USP9X: variants seen among roughly 807,000 people sequenced by gnomAD.
USP9X encodes the protein ubiquitin specific peptidase 9 X-linked, also known as ubiquitin carboxyl-terminal hydrolase 9X.
In USP9X, 7 loss-of-function variants were observed where a neutral mutation model predicts 190.3. The ratio of observed to expected loss-of-function variants is 0.04; its 90% CI spans 0.02 to 0.07. The LOEUF is 0.07. USP9X is among the 10% of genes least tolerant of loss of function. USP9X has a pLI of 1.00. For synonymous variants in USP9X, 645 were observed against 659.5 expected (o/e 0.98, Z 0.34); for missense variants, 1,010 against 1,916.9 (o/e 0.53, Z 8.83).
At chrX:41,205,105 G>T (rs1454634109) in intron 31 of USP9X, 198 bp from the exon 32 acceptor site, 1 of 356,934 alleles carries the variant, frequency 2.8e-6, no homozygotes. Flanking sequence ...CTTACACATG[G>T]TCAGGGTTAT....
chrX:41,104,792 G>GA (rs921387381), intron 1 of USP9X, among the ~76,000 whole-genome samples: 2 of 106,222 alleles, frequency 1.9e-5, no homozygotes, highest in Non-Finnish European at 2.0e-5. Context: ...TCTTGAGAGA[G>GA]AAAAAAAAAA....
chrX:41,227,114 T>G (rs186289617), intron 41 of USP9X, among the ~76,000 whole-genome samples: 3 of 112,314 alleles, frequency 2.7e-5, no homozygotes, highest in African/African-American at 9.7e-5. Flanking sequence ...TACTGTTAAA[T>G]GAATCACTGG....
At chrX:41,111,952 TCTC>T (rs1312132273) in intron 1 of USP9X, among the ~76,000 whole-genome samples, 1 of 109,848 alleles carries the variant, frequency 9.1e-6, no homozygotes. Flanking sequence ...TTCAAGCAGT[TCTC>T]CTGCCTCAGC....
chrX:41,141,624 A>G lies in USP9X; in HGVS notation c.1161+193A>G, dbSNP rs2159559. ...ACATAGTTTATTATTTGGTAGTGAT[A>G]TGGGTAGCTTTAAAACATCTTTGAT... On this transcript the variant is annotated intron_variant, in intron 9 of 44. Transcript: ENST00000378308. Among the ~76,000 whole-genome samples the G allele has an allele frequency of 0.19, 21,582 of 111,289 alleles. 1,591 individuals are homozygous for G. Among genetic ancestry groups the G allele is most frequent in the Admixed American group, 0.27 (2,782 of 10,476 alleles).
At chrX:41,210,023 C>T (rs1213081857) in intron 32 of USP9X, among the ~76,000 whole-genome samples, 2 of 111,896 alleles carry the variant, frequency 1.8e-5, no homozygotes, top group African/African-American at 6.5e-5. Flanking sequence ...ACCTTTCTCT[C>T]TTCACTTGGG....
chrX:41,117,927 G>A lies in USP9X; in HGVS notation c.-158-5544G>A, dbSNP rs1048652835. The stretch of plus-strand genomic sequence containing the variant: ...GGCTGGAGTTCAGTGGCACCACCTC[G>A]GCTCACTGCAACCTCTGCCTTCCGG... On this transcript the variant is annotated intron_variant, in intron 1 of 44. Transcript: ENST00000378308. Among the ~76,000 whole-genome samples, 7 of 110,149 alleles carry A rather than the reference G, an allele frequency of 6.4e-5. 1 individual carries two copies. The South Asian group carries it at 1.5e-3, about 24-fold the overall frequency.
chrX:41,218,151 A>C (rs190325945), intron 36 of USP9X, among the ~76,000 whole-genome samples: 1 of 111,621 alleles, frequency 9.0e-6, no homozygotes, highest in African/African-American at 3.3e-5. Flanking sequence ...TTGTTAATGG[A>C]TTTTTAGAGG....
chrX:41,161,382 C>T (rs1452532263), intron 14 of USP9X, among the ~76,000 whole-genome samples: 1 of 83,740 alleles, frequency 1.2e-5, no homozygotes, highest in Non-Finnish European at 2.2e-5. Context: ...TTCTGTTACC[C>T]AGGCTGGAGT....
At chrX:41,131,699 T>C (rs766493558) in intron 4 of USP9X, among the ~76,000 whole-genome samples, 163 bp downstream of exon 4, 1 of 111,998 alleles carries the variant, frequency 8.9e-6, no homozygotes, top group Non-Finnish European at 1.9e-5. Context: ...AGGATGTTTG[T>C]GAACTCTCTG....
chrX:41,111,171 T>G (rs2062106042), intron 1 of USP9X, among the ~76,000 whole-genome samples: 1 of 111,790 alleles, frequency 8.9e-6, no homozygotes, highest in East Asian at 2.8e-4. Context: ...GGGAGGTGAT[T>G]GGGTCACGAG....
rs766303325 is a variant in USP9X, at chrX:41,197,558, A to G, written c.4380+48A>G. The G allele has an allele frequency of 4.3e-5, 46 of 1,067,420 alleles. No homozygotes were observed. The South Asian group carries it at 6.0e-4, about 14-fold the overall frequency. 88.0% of individuals were successfully genotyped at this position (1,067,420 alleles called of 1,213,427 possible). A position where few individuals can be genotyped will look rare whatever the true frequency, so the allele number is the denominator to read the frequency against. ...TAAGCTACATATCATAACCTTCTAA[A>G]TGTTTATAATCAAATTTAATTAATT... On this transcript the variant is annotated intron_variant, in intron 29 of 44. Transcript: ENST00000378308.
At chrX:41,125,790 C>T (rs1237614982) in intron 2 of USP9X, among the ~76,000 whole-genome samples, 1 of 108,869 alleles carries the variant, frequency 9.2e-6, no homozygotes, top group Non-Finnish European at 1.9e-5. Context: ...TGTTCTTTTT[C>T]TCATTTCTTG....
chrX:41,201,823 T>C (rs2063044085), intron 31 of USP9X, among the ~76,000 whole-genome samples: 1 of 111,330 alleles, frequency 9.0e-6, no homozygotes, highest in African/African-American at 3.3e-5. Context: ...ATACAAAAAT[T>C]AGCTGGGTGT....
chrX:41,086,165 TGGGTGAGGGGAGGA>T, intron 1 of USP9X, 56 bp downstream of exon 1: 1 of 292,803 alleles, frequency 3.4e-6, no homozygotes, highest in Non-Finnish European at 5.9e-6. Flanking sequence ...CAGCTGGATG[TGGGTGAGGGGAGGA>T]GGGCGAGGGG....
chrX:41,171,789 C>T (rs2062728355), intron 20 of USP9X, 49 bp from the exon 21 acceptor site: 13 of 1,172,563 alleles, frequency 1.1e-5, no homozygotes, highest in Admixed American at 6.8e-5. Flanking sequence ...TTTTATAAAA[C>T]GGGAGTAAAT....
rs1261337589 is a variant in USP9X, at chrX:41,092,844, T to G, written c.-159+6735T>G. Among the ~76,000 whole-genome samples the G allele has an allele frequency of 3.6e-5, 4 of 110,911 alleles. No homozygotes were observed. In the East Asian group the frequency reaches 1.1e-3, roughly 31 times the overall value. ...AAACAGGAGGCTGGAATTGGTCTGT[T>G]ACCATAGTTTGCCAGCCCCTAGTTA... On this transcript the variant is annotated intron_variant, in intron 1 of 44. Coordinates refer to ENST00000378308, the MANE Select transcript of USP9X (RefSeq NM_001039591.3).
chrX:41,186,852 A>G (rs1458309045), intron 24 of USP9X, among the ~76,000 whole-genome samples: 3 of 103,720 alleles, frequency 2.9e-5, no homozygotes, highest in Non-Finnish European at 5.9e-5. Context: ...TTTGAGACGG[A>G]GTCTCACTCT....
At chrX:41,126,824 C>G (rs1426685492) in intron 2 of USP9X, among the ~76,000 whole-genome samples, 1 of 111,591 alleles carries the variant, frequency 9.0e-6, no homozygotes, top group Non-Finnish European at 1.9e-5. Flanking sequence ...CAATTTAGGG[C>G]TCGCTTTTTG....
At chrX:41,215,637 G>A (rs960349551) in intron 34 of USP9X, among the ~76,000 whole-genome samples, 7 of 112,187 alleles carry the variant, frequency 6.2e-5, no homozygotes, top group African/African-American at 2.3e-4. Flanking sequence ...CACCTTCGTG[G>A]GAACAACAGT....
Sources: gnomAD v4.1 joint callset for allele counts (sites outside exome capture counted in the v4.1 genomes callset) on GRCh38, gnomAD v4.1.1 for gene constraint, MANE v1.5 for transcripts, NCBI Gene and HGNC (gene_info 2026-07-23, HGNC 2026-07-21) for gene names.